The following DSCAML1 variants were observed in gnomAD, a reference collection of about 807,000 sequenced individuals.
The protein encoded by DSCAML1 is DS cell adhesion molecule like 1.
DSCAML1 carries 38 observed loss-of-function variants against 200.5 expected under a neutral mutation model. That is an observed-to-expected ratio of 0.19 (90% CI 0.15 to 0.25). DSCAML1 has a LOEUF of 0.25. DSCAML1 is among the 10% of genes least tolerant of loss of function. The pLI is 1.00. For synonymous variants in DSCAML1, 1,215 were observed against 1,165.0 expected, an observed-to-expected ratio of 1.04 and a Z score of -0.87; for missense variants, 2,223 against 2,858.8, an observed-to-expected ratio of 0.78 and a Z score of 5.07.
rs542946464 is a variant in DSCAML1 at position 117,569,243 on chromosome 11, G to A, written c.512-36721C>T. Among the ~76,000 whole-genome samples the A allele has an allele frequency of 1.5e-4, 23 of 152,234 alleles. No homozygotes were observed. The South Asian group carries it at 4.2e-3, about 27-fold the overall frequency. On this transcript the variant is annotated intron_variant, in intron 3 of 32. Coordinates refer to ENST00000651296, the MANE Select transcript of DSCAML1 (RefSeq NM_020693.4). ...TTCAAGATGGATTACAGACTTAAAC[G>A]TTAGACCTAAAACCATAAAAACCCT...
chr11:117,668,743 CT>C (rs1187488096), intron 3 of DSCAML1: 1 of 152,292 alleles, frequency 6.6e-6, no homozygotes, highest in Admixed American at 6.5e-5. Context: ...CTCCTTCCGG[CT>C]GTTCCTGCTG....
At chr11:117,806,219 C>T (rs778831942) in intron 1 of DSCAML1, among the ~76,000 whole-genome samples, 6 of 152,184 alleles carry the variant, frequency 3.9e-5, no homozygotes, top group Non-Finnish European at 7.3e-5. Context: ...GCTGCTTAAG[C>T]TCAGAGAAAG....
At chr11:117,639,743 G>A (rs2052365216) in intron 3 of DSCAML1, among the ~76,000 whole-genome samples, 1 of 152,046 alleles carries the variant, frequency 6.6e-6, no homozygotes, top group Non-Finnish European at 1.5e-5. Context: ...CTTTGGCTGG[G>A]CCCACGCTGC....
intron 3 of DSCAML1, among the ~76,000 whole-genome samples, chr11:117,599,136 C>CAGAAATCTTTTCTTAGT (rs11274556): frequency 0.62 from 93,471 of 151,914 alleles, 29,625 homozygotes; most frequent in African/African-American, 0.78. Flanking sequence ...GCCGCAAAAC[C>CAGAAATCTTTTCTTAGT]ACCTCACAGG....
chr11:117,502,514 C>T (rs1248239350), intron 11 of DSCAML1, among the ~76,000 whole-genome samples: 1 of 152,132 alleles, frequency 6.6e-6, no homozygotes, highest in Non-Finnish European at 1.5e-5. Context: ...AAGTGGCTCC[C>T]CAGGGCGGGG....
At chr11:117,534,108 A>G (rs955383549) in intron 3 of DSCAML1, among the ~76,000 whole-genome samples, 11 of 152,192 alleles carry the variant, frequency 7.2e-5, no homozygotes, top group Non-Finnish European at 1.6e-4. Flanking sequence ...TTCTAGCCCT[A>G]TTATTTAGAG....
chr11:117,434,129 T>C (rs1216836414), intron 27 of DSCAML1, among the ~76,000 whole-genome samples: 1 of 152,204 alleles, frequency 6.6e-6, no homozygotes, highest in African/African-American at 2.4e-5. Flanking sequence ...CAAATAGCTG[T>C]ATGCATGCAT....
chr11:117,542,948 A>G (rs1015428034), intron 3 of DSCAML1, among the ~76,000 whole-genome samples: 14 of 152,200 alleles, frequency 9.2e-5, no homozygotes, highest in African/African-American at 2.9e-4. Flanking sequence ...GCTTTGGCTA[A>G]CCCCTTCCCC....
At chr11:117,556,275 T>C (rs1332678967) in intron 3 of DSCAML1, among the ~76,000 whole-genome samples, 1 of 152,088 alleles carries the variant, frequency 6.6e-6, no homozygotes, top group African/African-American at 2.4e-5. Context: ...AGTTGGGGGC[T>C]ACAGGAGGTC....
chr11:117,431,542 T>C lies in DSCAML1; in HGVS notation c.5366A>G (p.Gln1789Arg), dbSNP rs767394502. ...ESDSYSASLSQDTDKGRNSMV... is the reference protein window; with the variant it reads ...ESDSYSASLSRDTDKGRNSMV... The stretch of plus-strand genomic sequence containing the variant: ...CAGGGCCTTAGGCACACCTGTGTCC[T>C]GGGACAGGCTGGCACTGTAGCTGTC... Residue 1789 changes from glutamine (Q) to arginine (R), a missense_variant, in exon 31 of 33, where the codon CAG (glutamine) becomes CGG (arginine). This residue lies in a region of DSCAML1 where 96 missense variants were observed against 160.7 expected (regional missense o/e 0.60). Transcript: ENST00000651296. The C allele has an allele frequency of 6.3e-7, 1 of 1,577,486 alleles. No homozygotes were observed.
chr11:117,499,245 GCT>G (rs2049351599), intron 11 of DSCAML1, among the ~76,000 whole-genome samples: 1 of 152,186 alleles, frequency 6.6e-6, no homozygotes, highest in African/African-American at 2.4e-5. Flanking sequence ...ATAAAAGGCA[GCT>G]CTGTGGACGT....
intron 3 of DSCAML1, among the ~76,000 whole-genome samples, chr11:117,612,342 A>T (rs1332337142): frequency 6.6e-6 from 1 of 152,216 alleles, no homozygotes; most frequent in Admixed American, 6.5e-5. Flanking sequence ...CAGACAAGTC[A>T]GATGTTTCCC....
intron 1 of DSCAML1, among the ~76,000 whole-genome samples, chr11:117,792,870 A>C (rs1285894988): frequency 1.3e-5 from 2 of 152,076 alleles, no homozygotes; most frequent in Admixed American, 1.3e-4. Context: ...TCCTACCCCA[A>C]TATCCCCAGT....
chr11:117,724,063 C>T (rs2054081946), intron 3 of DSCAML1, among the ~76,000 whole-genome samples: 2 of 152,222 alleles, frequency 1.3e-5, no homozygotes, highest in African/African-American at 4.8e-5. Flanking sequence ...GCACTCTCTT[C>T]TTCTGGCTAC....
rs1016672446 is a variant in DSCAML1 at position 117,796,009 on chromosome 11, G to A, written c.46+1025C>T. 1.4e-4 allele frequency among the ~76,000 whole-genome samples: 21 copies of A among 152,344 alleles called. 1 individual carries two copies. Among genetic ancestry groups the A allele is most frequent in the African/African-American group, 5.1e-4 (21 of 41,578 alleles). Reference sequence around the variant, plus strand: ...TGTGTGCTCCACCACGCAAGGGCGCGGAGTTCGGCCGCCTCATCTCCCGCC... The same window carrying A: ...TGTGTGCTCCACCACGCAAGGGCGCAGAGTTCGGCCGCCTCATCTCCCGCC... On this transcript the variant is annotated intron_variant, in intron 1 of 32. Coordinates refer to ENST00000651296, the MANE Select transcript of DSCAML1 (RefSeq NM_020693.4).
At chr11:117,791,924 C>G (rs10790210) in intron 1 of DSCAML1, among the ~76,000 whole-genome samples, 43,011 of 152,158 alleles carry the variant, frequency 0.28, 6,287 homozygotes, top group Non-Finnish European at 0.3. Context: ...TCTTTAATCT[C>G]ATTTCATAGC....
At chr11:117,695,908 A>C (rs1158456872) in intron 3 of DSCAML1, among the ~76,000 whole-genome samples, 3 of 152,232 alleles carry the variant, frequency 2.0e-5, no homozygotes, top group African/African-American at 7.2e-5. Flanking sequence ...TGTTAGGATT[A>C]AATACGACAA....
At chr11:117,456,895 G>C (rs1375921688) in intron 19 of DSCAML1, among the ~76,000 whole-genome samples, 3 of 151,896 alleles carry the variant, frequency 2.0e-5, no homozygotes, top group Non-Finnish European at 4.4e-5. Flanking sequence ...GGCTGGTCTC[G>C]CACTCCTGAC....
intron 6 of DSCAML1, among the ~76,000 whole-genome samples, chr11:117,519,516 G>A (rs1160868405): frequency 6.6e-6 from 1 of 152,216 alleles, no homozygotes; most frequent in Non-Finnish European, 1.5e-5. Context: ...GATTAAAATA[G>A]GCATTAAGTA....
Sources: allele counts gnomAD v4.1 joint callset (sites outside exome capture counted in the v4.1 genomes callset), GRCh38; gene constraint gnomAD v4.1.1; regional missense constraint gnomAD v4.1.1; transcripts MANE v1.5; gene names NCBI Gene and HGNC (gene_info 2026-07-23, HGNC 2026-07-21).